Variants in NUMA1 observed in about 807,000 individuals in gnomAD.
NUMA1 encodes the protein nuclear mitotic apparatus protein 1, also known as SP-H antigen.
In NUMA1, 62 loss-of-function variants were observed where a neutral mutation model predicts 237.1. The observed-to-expected ratio is 0.26, with a 90% CI of 0.21 to 0.32. The LOEUF is 0.32. NUMA1 is among the 10% of genes least tolerant of loss of function. The pLI, the probability that NUMA1 is intolerant of heterozygous loss-of-function variation, is 1.00. For synonymous variants in NUMA1, 1,028 were observed against 1,066.1 expected (o/e 0.96, Z 0.70); for missense variants, 2,533 against 2,666.5 (o/e 0.95, Z 1.10).
chr11:72,051,728 C>G (rs1942373327), intron 2 of NUMA1, among the ~76,000 whole-genome samples: 1 of 152,164 alleles, frequency 6.6e-6, no homozygotes, highest in Non-Finnish European at 1.5e-5. Context: ...CCTTGGCCTC[C>G]CAAAGTGCTG....
rs931644359 is a variant in NUMA1, at chr11:72,014,625, A to G, written c.2878T>C (p.Phe960Leu). 9 of 1,609,798 alleles carry G rather than the reference A, an allele frequency of 5.6e-6. No individual in the cohort carries two copies. The highest frequency in any genetic ancestry group is 6.8e-6 in the Non-Finnish European group (8 of 1,180,006). ...TGCAGCGCTGCCTGTGTGCTGCAGA[A>G]CTGGCGTCCCTGTTGCTCTTCCAGC... ...EWLEEQQGRQ[F>L]CSTQAALQAM... The change falls in exon 15 of 27, where the codon TTC becomes CTC. Residue 960 changes from phenylalanine (F) to leucine (L), a missense_variant. Coordinates refer to ENST00000393695, the MANE Select transcript of NUMA1 (RefSeq NM_006185.4). This position sits in a 1 kb window ranked among gnomAD's most constrained non-coding sequence, Gnocchi z 4.6.
intron 2 of NUMA1, 55 bp downstream of exon 2, chr11:72,069,787 C>T (rs1458821426): frequency 6.6e-6 from 1 of 152,190 alleles, no homozygotes; most frequent in Non-Finnish European, 1.5e-5. Flanking sequence ...AGAGATCCTG[C>T]TCAGGACAAA....
intron 3 of NUMA1, among the ~76,000 whole-genome samples, chr11:72,034,846 CTTTA>C (rs796871914): frequency 5.3e-5 from 8 of 152,146 alleles, no homozygotes; most frequent in African/African-American, 1.9e-4. Flanking sequence ...GTTTCTTTAG[CTTTA>C]TTTATTATTT....
At chr11:72,060,080 A>AT (rs1942860097) in intron 2 of NUMA1, among the ~76,000 whole-genome samples, 1 of 152,212 alleles carries the variant, frequency 6.6e-6, no homozygotes, top group African/African-American at 2.4e-5. Flanking sequence ...CAGTAAGTCC[A>AT]GACATCAAAG....
chr11:72,005,225 G>C lies in NUMA1; in HGVS notation c.5829+8C>G. ...TGGGAGGCCCTGCACAGTGACCCCA[G>C]GCCTCACCCTGGACTCCAGGGGATA... On this transcript the variant is annotated splice_region_variant and intron_variant, in intron 23 of 26. Coordinates refer to ENST00000393695, the MANE Select transcript of NUMA1 (RefSeq NM_006185.4). 1 of 1,590,986 alleles carries C rather than the reference G, an allele frequency of 6.3e-7. No individual in the cohort carries two copies. Among genetic ancestry groups the C allele is most frequent in the Admixed American group, 1.8e-5 (1 of 55,320 alleles).
At position 72,019,476 on chromosome 11, in the gene NUMA1, G is replaced by A. The variant is rs762129429; in HGVS notation, c.584+18C>T. On this transcript the variant is annotated intron_variant, in intron 9 of 26. Transcript: ENST00000393695. ...GGATGCTGAGGCCCTATCCCAGGAG[G>A]AGAGGCCCAGAACATACTTGTTCCC... 6.2e-7 allele frequency: 1 copy of A among 1,611,212 alleles called. No homozygotes were observed. The highest frequency in any genetic ancestry group is 1.1e-5 in the South Asian group (1 of 90,880).
intron 1 of NUMA1, among the ~76,000 whole-genome samples, chr11:72,073,264 G>A (rs1410424309): frequency 1.4e-5 from 2 of 147,744 alleles, no homozygotes; most frequent in African/African-American, 5.0e-5. Flanking sequence ...TGGGAAGACA[G>A]CCACTGCACT....
chr11:72,018,758 G>A (rs1252696538), intron 10 of NUMA1, 65 bp downstream of exon 10: 5 of 1,548,578 alleles, frequency 3.2e-6, no homozygotes, highest in Non-Finnish European at 4.4e-6. Flanking sequence ...GGGACAACAT[G>A]GGAGGCCAGG....
At chr11:72,004,524 G>T in intron 24 of NUMA1, 116 bp downstream of exon 24, 1 of 1,259,934 alleles carries the variant, frequency 7.9e-7, no homozygotes, top group Non-Finnish European at 1.1e-6. Context: ...CCCTTGGAGA[G>T]AGGGAAAGAG....
chr11:72,035,074 C>T (rs1940842857), intron 3 of NUMA1, among the ~76,000 whole-genome samples: 1 of 151,614 alleles, frequency 6.6e-6, no homozygotes, highest in South Asian at 2.1e-4. Flanking sequence ...CCAGGCTGGT[C>T]TTGAACTCTT....
At chr11:72,017,412 C>A in intron 13 of NUMA1, 1 of 483,082 alleles carries the variant, frequency 2.1e-6, no homozygotes, top group Non-Finnish European at 3.8e-6. Context: ...GAAAAACAGA[C>A]TGATTAACTT....
intron 2 of NUMA1, among the ~76,000 whole-genome samples, chr11:72,063,833 C>T (rs974093901): frequency 1.3e-5 from 2 of 149,732 alleles, no homozygotes; most frequent in Non-Finnish European, 1.5e-5. Context: ...GGGAGGATCA[C>T]TTGAGTCTGA....
intron 2 of NUMA1, among the ~76,000 whole-genome samples, chr11:72,043,233 C>T (rs1372309200): frequency 1.3e-5 from 2 of 151,964 alleles, no homozygotes; most frequent in East Asian, 3.9e-4. Context: ...GGCACGGTGG[C>T]TCACGCCTGT....
At chr11:72,018,121 G>A in intron 12 of NUMA1, 62 bp downstream of exon 12, 5 of 1,210,098 alleles carry the variant, frequency 4.1e-6, no homozygotes, top group Non-Finnish European at 6.2e-6. Context: ...CCTCTCTTGG[G>A]GAGCCTTCCA....
At position 72,005,345 on chromosome 11, in the gene NUMA1, G is replaced by A. The variant is rs1955616356; in HGVS notation, c.5717C>T (p.Thr1906Ile). ...PPGRNSFYMG[T>I]CQDEPEQLDD... ...CAGCTGCTCAGGCTCATCCTGGCAAGTGCCCATGTAGAAGCTGTTCCTTCC... is the reference window on the plus strand; with the variant it reads ...CAGCTGCTCAGGCTCATCCTGGCAAATGCCCATGTAGAAGCTGTTCCTTCC... Residue 1906 changes from threonine (T) to isoleucine (I), a missense_variant, in exon 23 of 27, where the codon ACT becomes ATT. By Grantham distance (89) the Thr-to-Ile change is moderately conservative. This residue lies in a region of NUMA1 where 795 missense variants were observed against 750.8 expected (regional missense o/e 1.06). Transcript: ENST00000393695. 1.2e-6 allele frequency: 2 copies of A among 1,608,268 alleles called. No homozygotes were observed. Among genetic ancestry groups the A allele is most frequent in the Admixed American group, 1.7e-5 (1 of 59,056 alleles).
At chr11:72,008,906 G>A in intron 19 of NUMA1, 61 bp from the exon 20 acceptor site, 3 of 1,612,530 alleles carry the variant, frequency 1.9e-6, no homozygotes, top group East Asian at 2.2e-5. Flanking sequence ...TGGCCTAGGA[G>A]GAGAGGGCAC....
intron 17 of NUMA1, among the ~76,000 whole-genome samples, chr11:72,010,512 G>T (rs906647438): frequency 6.6e-6 from 1 of 152,218 alleles, no homozygotes; most frequent in African/African-American, 2.4e-5. Flanking sequence ...TGTGATTGAA[G>T]AACTGGATTT....
intron 2 of NUMA1, among the ~76,000 whole-genome samples, chr11:72,036,434 T>C (rs999532205): frequency 1.3e-5 from 2 of 152,218 alleles, no homozygotes; most frequent in Non-Finnish European, 2.9e-5. Flanking sequence ...CTCTGGGTTA[T>C]TGTGATGCTT....
intron 3 of NUMA1, among the ~76,000 whole-genome samples, chr11:72,032,477 C>A (rs1443054704): frequency 6.6e-6 from 1 of 152,156 alleles, no homozygotes; most frequent in Non-Finnish European, 1.5e-5. Flanking sequence ...TGTTCACTAA[C>A]AAGACTAAAA....
Sources: allele counts gnomAD v4.1 joint callset (sites outside exome capture counted in the v4.1 genomes callset), GRCh38; gene constraint gnomAD v4.1.1; regional missense constraint gnomAD v4.1.1; non-coding constraint Gnocchi (gnomAD v3.1); transcripts MANE v1.5; gene names NCBI Gene and HGNC (gene_info 2026-07-23, HGNC 2026-07-21).